GPR137B: variants seen among roughly 807,000 people sequenced by gnomAD.
GPR137B encodes integral membrane protein GPR137B.
Under a neutral mutation model 42.5 loss-of-function variants are expected in GPR137B, and 42 were observed. The ratio of observed to expected loss-of-function variants is 0.99; its 90% CI spans 0.77 to 1.28. The LOEUF (loss-of-function observed/expected upper bound fraction) is 1.28, where lower values mean the gene tolerates loss of function less well. Ranked by LOEUF, GPR137B falls within the 50% of genes most tolerant of loss-of-function variation. The pLI, the probability that GPR137B is intolerant of heterozygous loss-of-function variation, is 0.00. For synonymous variants in GPR137B, 218 were observed against 209.7 expected, an observed-to-expected ratio of 1.04 and a Z score of -0.34; for missense variants, 487 against 493.9, an observed-to-expected ratio of 0.99 and a Z score of 0.13.
In GPR137B at chr1:236,208,775, G is replaced by C. The variant is rs889029600; in HGVS notation, c.*617G>C. Reference sequence around the variant, plus strand: ...AGGTTCAGGCCGTAGGTTCCTCAAGGAATCTCTTAAGTTTTGCCCAAAGAC... The same window carrying C: ...AGGTTCAGGCCGTAGGTTCCTCAAGCAATCTCTTAAGTTTTGCCCAAAGAC... On this transcript the variant is annotated 3_prime_UTR_variant, in exon 7 of 7. Coordinates refer to ENST00000366592, the MANE Select transcript of GPR137B (RefSeq NM_003272.4). 5 of 985,016 alleles carry C rather than the reference G, an allele frequency of 5.1e-6. No individual in the cohort carries two copies. The highest frequency in any genetic ancestry group is 6.0e-6 in the Non-Finnish European group (5 of 829,748). The allele number at this position is 985,016 out of a possible 1,614,324, so 61.0% of individuals were successfully genotyped here. A position where few individuals can be genotyped will look rare whatever the true frequency, so the allele number is the denominator to read the frequency against.
At chr1:236,176,144 C>T (rs991663670) in intron 2 of GPR137B, among the ~76,000 whole-genome samples, 5 of 152,032 alleles carry the variant, frequency 3.3e-5, no homozygotes, top group African/African-American at 1.2e-4. Flanking sequence ...GTTGGAGGTG[C>T]GGAGGGAACA....
intron 2 of GPR137B, among the ~76,000 whole-genome samples, chr1:236,170,935 C>T (rs1337106136): frequency 1.3e-5 from 2 of 148,286 alleles, no homozygotes; most frequent in African/African-American, 5.0e-5. Flanking sequence ...GAGATCATGC[C>T]ACTGCACTCC....
intron 1 of GPR137B, among the ~76,000 whole-genome samples, chr1:236,157,381 G>A (rs1038589280): frequency 1.1e-4 from 17 of 152,162 alleles, no homozygotes; most frequent in African/African-American, 4.1e-4. Context: ...CCGCCACCAC[G>A]CCCGGCTAAT....
chr1:236,143,657 C>G (rs1661600806), intron 1 of GPR137B, among the ~76,000 whole-genome samples: 1 of 152,178 alleles, frequency 6.6e-6, no homozygotes, highest in African/African-American at 2.4e-5. Context: ...TGCCGCTCAT[C>G]AGAGTTACTG....
rs1271119982 is a variant in GPR137B at position 236,150,289 on chromosome 1, T to C, written c.414+7253T>C. Reference sequence around the variant, plus strand: ...TGTGTGTCTGTGCCTGTGTGTGTCTTTGCCTGTGTTTGTGTGTATGTGCCT... The same window carrying C: ...TGTGTGTCTGTGCCTGTGTGTGTCTCTGCCTGTGTTTGTGTGTATGTGCCT... On this transcript the variant is annotated intron_variant, in intron 1 of 6. Transcript: ENST00000366592. This position sits in a 1 kb window ranked among gnomAD's most constrained non-coding sequence, Gnocchi z 6.2. 6.7e-6 allele frequency among the ~76,000 whole-genome samples: 1 copy of C among 148,222 alleles called. No homozygotes were observed. The highest frequency in any genetic ancestry group is 1.5e-5 in the Non-Finnish European group (1 of 66,884).
At chr1:236,182,528 A>G (rs915591600) in intron 4 of GPR137B, among the ~76,000 whole-genome samples, 1 of 152,132 alleles carries the variant, frequency 6.6e-6, no homozygotes, top group Admixed American at 6.5e-5. Context: ...TGAGGCCAGA[A>G]GTTTGAGACC....
At chr1:236,163,960 C>T (rs924574723) in intron 1 of GPR137B, among the ~76,000 whole-genome samples, 8 of 151,486 alleles carry the variant, frequency 5.3e-5, no homozygotes, top group Non-Finnish European at 7.4e-5. Flanking sequence ...CCACCTCCCA[C>T]ACCTCCCCAT....
At chr1:236,178,883 C>T (rs999973967) in intron 3 of GPR137B, among the ~76,000 whole-genome samples, 9 of 138,204 alleles carry the variant, frequency 6.5e-5, no homozygotes, top group South Asian at 2.5e-4. Flanking sequence ...CTGCAAGCTC[C>T]GCCTCCCAGG....
chr1:236,176,538 G>C (rs951993528), intron 2 of GPR137B, among the ~76,000 whole-genome samples: 3 of 152,132 alleles, frequency 2.0e-5, no homozygotes, highest in Non-Finnish European at 4.4e-5. Context: ...GCACGAGCCT[G>C]ATGAGCAGCC....
At chr1:236,158,953 G>C (rs1387583653) in intron 1 of GPR137B, among the ~76,000 whole-genome samples, 1 of 152,198 alleles carries the variant, frequency 6.6e-6, no homozygotes, top group African/African-American at 2.4e-5. Context: ...GGTGACTTCT[G>C]TTGAGTTCTG....
chr1:236,177,876 A>G (rs571902418), intron 2 of GPR137B, among the ~76,000 whole-genome samples: 129 of 151,954 alleles, frequency 8.5e-4, no homozygotes, highest in Non-Finnish European at 1.6e-3. Flanking sequence ...TTTTAATCAC[A>G]TAAGTGAGCG....
At position 236,142,861 on chromosome 1, in the gene GPR137B, T is replaced by C; in HGVS notation, c.239T>C (p.Val80Ala). The C allele has an allele frequency of 6.2e-7, 1 of 1,614,220 alleles. No homozygotes were observed. Among genetic ancestry groups the C allele is most frequent in the Non-Finnish European group, 8.5e-7 (1 of 1,180,018 alleles). ...YRHKRLSYQSVFLFLCLFWAS... is the reference protein window; with the variant it reads ...YRHKRLSYQSAFLFLCLFWAS... ...CACAAGCGGCTCAGCTACCAGAGCG[T>C]CTTCCTCTTTCTCTGCCTCTTCTGG... The change falls in exon 1 of 7, where the codon GTC (valine) becomes GCC (alanine). Residue 80 changes from valine (V) to alanine (A), a missense_variant. Physicochemically the swap from Val to Ala is moderately conservative, Grantham distance 64. Transcript: ENST00000366592.
chr1:236,203,604 T>C (rs1663565289), intron 5 of GPR137B, among the ~76,000 whole-genome samples: 1 of 152,200 alleles, frequency 6.6e-6, no homozygotes, highest in Admixed American at 6.5e-5. Context: ...GTAGATTGCT[T>C]TGGGTAGTAT....
At chr1:236,168,314 T>G (rs1662424953) in intron 1 of GPR137B, among the ~76,000 whole-genome samples, 1 of 151,882 alleles carries the variant, frequency 6.6e-6, no homozygotes. Flanking sequence ...TCCCAGCTAC[T>G]TGGGAGGCTG....
At chr1:236,143,375 G>A (rs1408918831) in intron 1 of GPR137B, among the ~76,000 whole-genome samples, 1 of 152,274 alleles carries the variant, frequency 6.6e-6, no homozygotes, top group Non-Finnish European at 1.5e-5. Context: ...AGTTAGTACG[G>A]ATGGAAGGTG....
intron 1 of GPR137B, among the ~76,000 whole-genome samples, chr1:236,165,726 A>G (rs752647676): frequency 6.6e-6 from 1 of 152,220 alleles, no homozygotes; most frequent in Non-Finnish European, 1.5e-5. Flanking sequence ...TGTATACCGT[A>G]TGTTTCTCTT....
chr1:236,208,857 A>G lies in GPR137B; in HGVS notation c.*699A>G. Reference sequence around the variant, plus strand: ...TACACATTAATGATAAGTTGATAACATTAAAAATGTAGCTGACTTATCCTA... The same window carrying G: ...TACACATTAATGATAAGTTGATAACGTTAAAAATGTAGCTGACTTATCCTA... On this transcript the variant is annotated 3_prime_UTR_variant, in exon 7 of 7. Coordinates refer to ENST00000366592, the MANE Select transcript of GPR137B (RefSeq NM_003272.4). 14 of 984,238 alleles carry G rather than the reference A, an allele frequency of 1.4e-5. No homozygotes were observed. The highest frequency in any genetic ancestry group is 1.7e-5 in the Non-Finnish European group (14 of 828,826). The allele number at this position is 984,238 out of a possible 1,614,324, so 61.0% of individuals were successfully genotyped here.
At chr1:236,175,540 A>C (rs907563473) in intron 2 of GPR137B, among the ~76,000 whole-genome samples, 4 of 152,220 alleles carry the variant, frequency 2.6e-5, no homozygotes, top group African/African-American at 9.6e-5. Context: ...TCTTCACAAA[A>C]GCACAGCGGA....
In GPR137B at chr1:236,164,138, C is replaced by T. The variant is rs151281327; in HGVS notation, c.415-4568C>T. Among the ~76,000 whole-genome samples the T allele has an allele frequency of 1.1e-3, 173 of 152,304 alleles. 3 individuals are homozygous for T. The East Asian group carries it at 0.027, about 24-fold the overall frequency. ...TGCTTATTACTGACATGTCTGTCTGCCTGTGTATTTCTCTGGGACAGGCCC... is the reference window on the plus strand; with the variant it reads ...TGCTTATTACTGACATGTCTGTCTGTCTGTGTATTTCTCTGGGACAGGCCC... On this transcript the variant is annotated intron_variant, in intron 1 of 6. Transcript: ENST00000366592.
Sources: gnomAD v4.1 joint callset for allele counts (sites outside exome capture counted in the v4.1 genomes callset) on GRCh38, gnomAD v4.1.1 for gene constraint, Gnocchi (gnomAD v3.1) non-coding constraint, MANE v1.5 for transcripts, NCBI Gene and HGNC (gene_info 2026-07-23, HGNC 2026-07-21) for gene names.